Variants in FAM161A observed in about 807,000 individuals in gnomAD.
FAM161A encodes protein FAM161A.
A neutral mutation model predicts 70.9 loss-of-function variants in FAM161A; 57 were observed. The observed-to-expected ratio is 0.80, with a 90% CI of 0.65 to 1.00. The LOEUF is 1.00. Ranked by LOEUF, FAM161A falls within the 50% of genes least tolerant of loss-of-function variation. The pLI, the probability that FAM161A is intolerant of heterozygous loss-of-function variation, is 0.00. For synonymous variants in FAM161A, 299 were observed against 295.7 expected (o/e 1.01, Z -0.12); for missense variants, 880 against 836.0 (o/e 1.05, Z -0.65).
At chr2:61,807,577 GA>G in the FAM161A span, among the ~76,000 whole-genome samples, 2 of 150,176 alleles carry the variant, frequency 1.3e-5, no homozygotes, top group African/African-American at 2.4e-5. Flanking sequence ...CAAAGTGGGG[GA>G]CTTTGCAGAG....
chr2:61,810,453 CTTTTTT>C, the FAM161A span, among the ~76,000 whole-genome samples: 2 of 95,616 alleles, frequency 2.1e-5, no homozygotes, highest in African/African-American at 8.6e-5. Context: ...CCAGCACTTC[CTTTTTT>C]TTTTTTTTTT....
At chr2:61,813,525 G>C in the FAM161A span, among the ~76,000 whole-genome samples, 1,870 of 146,158 alleles carry the variant, frequency 0.013, 42 homozygotes, top group African/African-American at 0.045. Flanking sequence ...TCCAGCCTGG[G>C]TGACACAGCA....
At chr2:61,820,298 C>G (rs6752985), downstream of FAM161A, 278,260 of 717,664 alleles carry the variant, frequency 0.39, 57,742 homozygotes, top group East Asian at 0.7. Flanking sequence ...AGGAGCCATT[C>G]TGAGCAATGG....
Position 61,847,095 on chromosome 2 carries a change from G to C in FAM161A, c.184-4735C>G, listed in dbSNP as rs760301395. ...GAGAATCGCTTGAATCCAGGAGGCA[G>C]AGGTTGCAGTGAACCAAGATCGCAC... On this transcript the variant is annotated intron_variant, in intron 1 of 6. Transcript: ENST00000404929. 99 of 339,588 alleles carry C rather than the reference G, an allele frequency of 2.9e-4. No homozygotes were observed. In the Middle Eastern group the frequency reaches 4.1e-3, roughly 14 times the overall value. 21.0% of individuals were successfully genotyped at this position (339,588 alleles called of 1,614,324 possible). A position where few individuals can be genotyped will look rare whatever the true frequency, so the allele number is the denominator to read the frequency against.
the FAM161A span, among the ~76,000 whole-genome samples, chr2:61,808,429 T>C: frequency 1.3e-5 from 2 of 151,970 alleles, no homozygotes; most frequent in African/African-American, 4.8e-5. Context: ...CCTGCCACCA[T>C]GCCTAGCTAA....
the FAM161A span, among the ~76,000 whole-genome samples, chr2:61,816,268 T>C: frequency 6.6e-6 from 1 of 151,694 alleles, no homozygotes; most frequent in African/African-American, 2.4e-5. Context: ...TTTCACTTTA[T>C]TTATTACCTT....
chr2:61,827,771 A>G (rs542294980), intron 5 of FAM161A, among the ~76,000 whole-genome samples: 14 of 152,316 alleles, frequency 9.2e-5, no homozygotes, highest in African/African-American at 3.1e-4. Context: ...GGACATGTTC[A>G]AGAATGTTCA....
At chr2:61,824,637 G>GA (rs1443350829), downstream of FAM161A, among the ~76,000 whole-genome samples, 1 of 152,002 alleles carries the variant, frequency 6.6e-6, no homozygotes, top group Admixed American at 6.6e-5. Context: ...GATTGGTCCT[G>GA]AAGCCAAGTG....
chr2:61,813,686 T>G, the FAM161A span, among the ~76,000 whole-genome samples: 1 of 138,136 alleles, frequency 7.2e-6, no homozygotes. Flanking sequence ...GCCACTGCAT[T>G]CCAACCTGCG....
intron 1 of FAM161A, among the ~76,000 whole-genome samples, chr2:61,844,264 T>G (rs1673126227): frequency 6.6e-6 from 1 of 152,258 alleles, no homozygotes; most frequent in Non-Finnish European, 1.5e-5. Context: ...TCTGATATCT[T>G]CTGCTGTTTC....
At position 61,852,964 on chromosome 2, in the gene FAM161A, A is replaced by C. The variant is rs1340167212; in HGVS notation, c.183+895T>G. Among the ~76,000 whole-genome samples the C allele has an allele frequency of 2.6e-5, 3 of 115,696 alleles. No homozygotes were observed. In the East Asian group the frequency reaches 7.3e-4, roughly 28 times the overall value. 75.9% of individuals were successfully genotyped at this position (115,696 alleles called of 152,430 possible). A position where few individuals can be genotyped will look rare whatever the true frequency, so the allele number is the denominator to read the frequency against. On this transcript the variant is annotated intron_variant, in intron 1 of 6. Transcript: ENST00000404929. ...TTTTTTTTTTTTTTTTTTTTTTGAG[A>C]CTGGGTCTGAGATCTCAGCTCACTG...
At chr2:61,817,989 A>C in the FAM161A span, among the ~76,000 whole-genome samples, 46 of 152,210 alleles carry the variant, frequency 3.0e-4, no homozygotes, top group African/African-American at 1.1e-3. Flanking sequence ...CCAAACCAAA[A>C]CAAGAAGCAT....
chr2:61,822,703 C>T (rs1350308748), downstream of FAM161A, among the ~76,000 whole-genome samples: 1 of 152,206 alleles, frequency 6.6e-6, no homozygotes, highest in African/African-American at 2.4e-5. Context: ...TCTCCTGCCT[C>T]AGCCTCCCAA....
downstream of FAM161A, chr2:61,824,709 T>C (rs1572853012): frequency 1.2e-5 from 3 of 246,666 alleles, no homozygotes; most frequent in Non-Finnish European, 2.4e-5. Context: ...GTGGAGTGAA[T>C]CCTTGAAAGC....
rs759164776 is a variant in FAM161A at position 61,839,779 on chromosome 2, G to A, written c.1225C>T (p.Pro409Ser). The change falls in exon 3 of 7, where the codon CCC becomes TCC. Residue 409 changes from proline (P) to serine (S), a missense_variant. Transcript: ENST00000404929. ...PCRSACGCRN[P>S]RCPEQAVKLK... Reference sequence around the variant, plus strand: ...TTTACAGCCTGTTCAGGACACCTGGGGTTCCTGCATCCACAAGCTGACCTA... The same window carrying A: ...TTTACAGCCTGTTCAGGACACCTGGAGTTCCTGCATCCACAAGCTGACCTA... The A allele has an allele frequency of 8.7e-6, 14 of 1,614,106 alleles. No individual in the cohort carries two copies. Among genetic ancestry groups the A allele is most frequent in the Non-Finnish European group, 1.1e-5 (13 of 1,180,028 alleles).
rs533347441 is a variant in FAM161A at position 61,852,205 on chromosome 2, C to T, written c.183+1654G>A. 5.9e-5 allele frequency among the ~76,000 whole-genome samples: 9 copies of T among 151,996 alleles called. No homozygotes were observed. In the South Asian group the frequency reaches 1.9e-3, roughly 32 times the overall value. On this transcript the variant is annotated intron_variant, in intron 1 of 6. Transcript: ENST00000404929. ...TTTTTTTTGTAGGATCCTGTCCTTT[C>T]CAAACTAGATTATTGTATAAACTGA...
chr2:61,833,474 C>A (rs1376817168), intron 5 of FAM161A, among the ~76,000 whole-genome samples: 1 of 150,558 alleles, frequency 6.6e-6, no homozygotes, highest in Non-Finnish European at 1.5e-5. Context: ...TAGGGCTCAG[C>A]TGCTAACATT....
intron 1 of FAM161A, among the ~76,000 whole-genome samples, chr2:61,844,832 T>C (rs1673147964): frequency 6.6e-6 from 1 of 152,208 alleles, no homozygotes; most frequent in South Asian, 2.1e-4. Flanking sequence ...CACAAGCTAC[T>C]TCCAGCTAAG....
the FAM161A span, among the ~76,000 whole-genome samples, chr2:61,805,384 C>T: frequency 6.6e-6 from 1 of 152,042 alleles, no homozygotes; most frequent in Non-Finnish European, 1.5e-5. Context: ...GGCTTGGTGG[C>T]GGGAGCCTGT....
Sources: allele counts gnomAD v4.1 joint callset (sites outside exome capture counted in the v4.1 genomes callset), GRCh38; gene constraint gnomAD v4.1.1; transcripts MANE v1.5; gene names NCBI Gene and HGNC (gene_info 2026-07-23, HGNC 2026-07-21).